Variants in CNTNAP2 observed in about 807,000 individuals in gnomAD.
CNTNAP2 encodes the protein contactin-associated protein-like 2.
A neutral mutation model predicts 155.2 loss-of-function variants in CNTNAP2; 98 were observed. The observed-to-expected ratio is 0.63, with a 90% CI of 0.54 to 0.75. The LOEUF is 0.75. Ranked by LOEUF, CNTNAP2 falls within the 30% of genes least tolerant of loss-of-function variation. The pLI is 0.00. For synonymous variants in CNTNAP2, 651 were observed against 631.2 expected (o/e 1.03, Z -0.47); for missense variants, 1,727 against 1,688.1 (o/e 1.02, Z -0.40).
intron 8 of CNTNAP2, among the ~76,000 whole-genome samples, chr7:147,183,917 A>T (rs1196261598): frequency 2.6e-5 from 4 of 152,206 alleles, no homozygotes; most frequent in Non-Finnish European, 5.9e-5. Context: ...ATCAAGCTAA[A>T]CACAAAGTAA....
intron 3 of CNTNAP2, among the ~76,000 whole-genome samples, chr7:146,947,920 C>T (rs1214383173): frequency 6.6e-6 from 1 of 151,892 alleles, no homozygotes; most frequent in Non-Finnish European, 1.5e-5. Flanking sequence ...ACAACAACAA[C>T]AAAATTTCAA....
intron 1 of CNTNAP2, among the ~76,000 whole-genome samples, chr7:146,651,034 A>C (rs1328856460): frequency 6.6e-6 from 1 of 151,240 alleles, no homozygotes; most frequent in Non-Finnish European, 1.5e-5. Flanking sequence ...TTTTTTTTTT[A>C]AAGAACAACT....
chr7:148,159,582 C>A (rs1310132177), intron 17 of CNTNAP2, among the ~76,000 whole-genome samples: 1 of 152,144 alleles, frequency 6.6e-6, no homozygotes, highest in African/African-American at 2.4e-5. Context: ...TGCAACTCTG[C>A]CACCACGAAT....
At chr7:147,609,589 C>G (rs1038584953) in intron 12 of CNTNAP2, among the ~76,000 whole-genome samples, 1 of 151,902 alleles carries the variant, frequency 6.6e-6, no homozygotes, top group Non-Finnish European at 1.5e-5. Context: ...ACAAAATAAA[C>G]ATCACAAAGG....
rs142628172 is a variant in CNTNAP2, at chr7:148,221,882, C to T, written c.3247+4358C>T. Among the ~76,000 whole-genome samples, 548 of 152,350 alleles carry T rather than the reference C, an allele frequency of 3.6e-3. 5 individuals carry two copies. Among genetic ancestry groups the T allele is most frequent in the African/African-American group, 0.013 (522 of 41,586 alleles). Reference sequence around the variant, plus strand: ...GAACTCATGGTGTCCTTTTCCTCCCCACCACTACTCTCTGAGGCAAATATC... The same window carrying T: ...GAACTCATGGTGTCCTTTTCCTCCCTACCACTACTCTCTGAGGCAAATATC... On this transcript the variant is annotated intron_variant, in intron 19 of 23. Transcript: ENST00000361727.
At chr7:147,269,380 C>T (rs1804688893) in intron 8 of CNTNAP2, among the ~76,000 whole-genome samples, 1 of 152,138 alleles carries the variant, frequency 6.6e-6, no homozygotes, top group African/African-American at 2.4e-5. Context: ...AAAGTGTTCA[C>T]CCACTCAACA....
intron 1 of CNTNAP2, among the ~76,000 whole-genome samples, chr7:146,415,962 T>C (rs1157384189): frequency 6.6e-6 from 1 of 152,034 alleles, no homozygotes; most frequent in African/African-American, 2.4e-5. Context: ...AATTGTATTT[T>C]AAAGAGTACA....
At chr7:146,409,860 T>G (rs1044830118) in intron 1 of CNTNAP2, among the ~76,000 whole-genome samples, 1 of 152,170 alleles carries the variant, frequency 6.6e-6, no homozygotes, top group African/African-American at 2.4e-5. Flanking sequence ...ATTCTTTACA[T>G]CCTTGACATT....
chr7:146,959,713 CAAAAAAAAAAAAAA>C (rs1176908836), intron 3 of CNTNAP2, among the ~76,000 whole-genome samples: 2 of 90,402 alleles, frequency 2.2e-5, no homozygotes, highest in Non-Finnish European at 4.5e-5. Flanking sequence ...CAGCGAGTCT[CAAAAAAAAAAAAAA>C]AAAAAAGAAA....
At chr7:147,453,793 A>G (rs1415825695) in intron 10 of CNTNAP2, among the ~76,000 whole-genome samples, 1 of 152,182 alleles carries the variant, frequency 6.6e-6, no homozygotes, top group Non-Finnish European at 1.5e-5. Flanking sequence ...AAGCTAAAAA[A>G]AAGAAAATGC....
At chr7:147,004,176 T>A (rs1218984171) in intron 3 of CNTNAP2, among the ~76,000 whole-genome samples, 30 of 125,588 alleles carry the variant, frequency 2.4e-4, no homozygotes, top group African/African-American at 9.4e-4. Context: ...ATAAAATCGA[T>A]GAATTCAATA....
chr7:148,374,691 A>G (rs1388227643), intron 21 of CNTNAP2, among the ~76,000 whole-genome samples: 2 of 152,186 alleles, frequency 1.3e-5, no homozygotes, highest in Non-Finnish European at 2.9e-5. Flanking sequence ...ACAGGATTCT[A>G]TTTCTGCTGC....
intron 11 of CNTNAP2, among the ~76,000 whole-genome samples, chr7:147,522,046 C>A (rs774079433): frequency 6.6e-6 from 1 of 152,176 alleles, no homozygotes; most frequent in Non-Finnish European, 1.5e-5. Flanking sequence ...TGATGAGGGT[C>A]CCCTACTTTC....
At chr7:147,907,534 T>A (rs1799984678) in intron 14 of CNTNAP2, among the ~76,000 whole-genome samples, 2 of 152,138 alleles carry the variant, frequency 1.3e-5, no homozygotes, top group Non-Finnish European at 1.5e-5. Context: ...AGAGACACTT[T>A]CTAAAGCTCT....
chr7:147,339,595 A>T (rs1032629947), intron 9 of CNTNAP2, among the ~76,000 whole-genome samples: 3 of 152,178 alleles, frequency 2.0e-5, no homozygotes, highest in Non-Finnish European at 4.4e-5. Context: ...TAAGACGAGT[A>T]CTAAAAATAA....
At chr7:147,714,430 T>C (rs1796451028) in intron 13 of CNTNAP2, among the ~76,000 whole-genome samples, 1 of 105,434 alleles carries the variant, frequency 9.5e-6, no homozygotes. Flanking sequence ...AGGTTCTTTG[T>C]TTGTGTGTTT....
intron 14 of CNTNAP2, among the ~76,000 whole-genome samples, chr7:147,931,865 TTTTC>T (rs1480998655): frequency 1.3e-5 from 2 of 152,082 alleles, no homozygotes; most frequent in African/African-American, 4.8e-5. Context: ...TAACATTCTT[TTTTC>T]TTTATTTTAT....
intron 1 of CNTNAP2, among the ~76,000 whole-genome samples, chr7:146,123,974 C>T (rs1797599539): frequency 6.6e-6 from 1 of 152,088 alleles, no homozygotes; most frequent in African/African-American, 2.4e-5. Context: ...TGGAAACCAT[C>T]GTTGTCAGCA....
intron 8 of CNTNAP2, chr7:147,167,249 G>T: frequency 2.6e-6 from 1 of 379,876 alleles, no homozygotes. Context: ...AATATTAACT[G>T]GTCAATTTTG....
Sources: allele counts gnomAD v4.1 joint callset (sites outside exome capture counted in the v4.1 genomes callset), GRCh38; gene constraint gnomAD v4.1.1; transcripts MANE v1.5; gene names NCBI Gene and HGNC (gene_info 2026-07-23, HGNC 2026-07-21).